Variants in AGTPBP1 observed in about 807,000 individuals in gnomAD.
AGTPBP1 encodes the protein cytosolic carboxypeptidase 1.
Under a neutral mutation model 143.9 loss-of-function variants are expected in AGTPBP1, and 70 were observed. The ratio of observed to expected loss-of-function variants is 0.49; its 90% CI spans 0.40 to 0.59. The LOEUF is 0.59. Among genes scored for constraint, AGTPBP1 ranks in the 20% least tolerant of loss-of-function variants. The probability of loss-of-function intolerance (pLI) is 0.00; values close to 1 mark genes in which losing one functional copy is unlikely to be tolerated. For missense variants in AGTPBP1, 1,229 were observed against 1,464.5 expected, an observed-to-expected ratio of 0.84 and a Z score of 2.62; for synonymous variants, 463 against 500.2, an observed-to-expected ratio of 0.93 and a Z score of 0.99.
intron 2 of AGTPBP1, among the ~76,000 whole-genome samples, chr9:85,693,702 T>G (rs1487862670): frequency 6.6e-6 from 1 of 152,034 alleles, no homozygotes; most frequent in African/African-American, 2.4e-5. Flanking sequence ...TGTACATTCT[T>G]ATGGTGAGAA....
chr9:85,698,978 C>T (rs1343688014), intron 2 of AGTPBP1, among the ~76,000 whole-genome samples: 6 of 151,926 alleles, frequency 3.9e-5, no homozygotes, highest in Admixed American at 1.3e-4. Flanking sequence ...CACACCTAAC[C>T]CTATTTTTAG....
In AGTPBP1 at chr9:85,741,903, G is replaced by C; in HGVS notation, c.-162C>G. On this transcript the variant is annotated 5_prime_UTR_variant, in exon 1 of 26. Transcript: ENST00000357081. ...TACAAACCCCGGTGGCAGGCGAGGC[G>C]GAGGCGGCGGCGGCGGCAGCTGCGG... 3 of 1,340,536 alleles carry C rather than the reference G, an allele frequency of 2.2e-6. No individual in the cohort carries two copies. The highest frequency in any genetic ancestry group is 2.9e-6 in the Non-Finnish European group (3 of 1,049,206). The allele number at this position is 1,340,536 out of a possible 1,614,324, so 83.0% of individuals were successfully genotyped here.
At chr9:85,642,006 T>C (rs1422322161) in intron 13 of AGTPBP1, among the ~76,000 whole-genome samples, 5 of 152,002 alleles carry the variant, frequency 3.3e-5, no homozygotes, top group South Asian at 2.1e-4. Flanking sequence ...GCAACAAATA[T>C]TTCTTTTTAA....
intron 17 of AGTPBP1, among the ~76,000 whole-genome samples, chr9:85,597,616 A>G (rs1016954419): frequency 6.6e-6 from 1 of 152,130 alleles, no homozygotes; most frequent in African/African-American, 2.4e-5. Context: ...GTATTAAGTA[A>G]TTAAATCCTT....
chr9:85,615,984 A>G (rs1356225657), intron 17 of AGTPBP1, among the ~76,000 whole-genome samples: 1 of 147,130 alleles, frequency 6.8e-6, no homozygotes, highest in East Asian at 2.2e-4. Flanking sequence ...TAATAACCAG[A>G]AAAAAATGCT....
chr9:85,791,787 T>A, the AGTPBP1 span, among the ~76,000 whole-genome samples: 5 of 151,990 alleles, frequency 3.3e-5, no homozygotes, highest in Non-Finnish European at 5.9e-5. Context: ...TACTGGTATA[T>A]TTTTATACTG....
chr9:85,625,459 T>C (rs1018047667), intron 14 of AGTPBP1, among the ~76,000 whole-genome samples: 2 of 152,266 alleles, frequency 1.3e-5, no homozygotes, highest in African/African-American at 2.4e-5. Context: ...TTTGTGGTTG[T>C]CACCGTTTCC....
chr9:85,712,508 T>C lies in AGTPBP1; in HGVS notation c.26A>G (p.Glu9Gly). ...ATATTCAGAATTACAGTACCTTTTT[T>C]CTGGTATCACTTTTAACTTGCTCAT... MSKLKVIP[E>G]KSLTNNSRIV... Residue 9 changes from glutamate (E) to glycine (G), a missense_variant, in exon 2 of 26, where the codon GAA becomes GGA. This residue lies in a region of AGTPBP1 where 743 missense variants were observed against 812.2 expected (regional missense o/e 0.91). Transcript: ENST00000357081. The C allele has an allele frequency of 6.7e-7, 1 of 1,498,088 alleles. No individual in the cohort carries two copies. Among genetic ancestry groups the C allele is most frequent in the Non-Finnish European group, 9.0e-7 (1 of 1,107,192 alleles). The allele number at this position is 1,498,088 out of a possible 1,614,324, so 92.8% of individuals were successfully genotyped here. A position where few individuals can be genotyped will look rare whatever the true frequency, so the allele number is the denominator to read the frequency against.
chr9:85,728,028 TATACACACACAC>T (rs1314955444), intron 1 of AGTPBP1, among the ~76,000 whole-genome samples: 4 of 120,900 alleles, frequency 3.3e-5, no homozygotes, highest in African/African-American at 7.8e-5. Context: ...TATATATTTA[TATACACACACAC>T]ACACACACAC....
At chr9:85,752,628 A>C in the AGTPBP1 span, among the ~76,000 whole-genome samples, 106 of 152,176 alleles carry the variant, frequency 7.0e-4, no homozygotes, top group Non-Finnish European at 1.4e-3. Flanking sequence ...TAGATATGCT[A>C]ATTACCCTGG....
At chr9:85,741,601 C>A (rs1824285901) in intron 1 of AGTPBP1, 174 bp downstream of exon 1, 1 of 985,338 alleles carries the variant, frequency 1.0e-6, no homozygotes, top group Non-Finnish European at 1.2e-6. Context: ...AGACCGAGTG[C>A]GTTCCCCTCA....
At chr9:85,596,078 C>T (rs1048240430) in intron 18 of AGTPBP1, among the ~76,000 whole-genome samples, 1 of 152,102 alleles carries the variant, frequency 6.6e-6, no homozygotes, top group South Asian at 2.1e-4. Flanking sequence ...AATAAAGTTT[C>T]CAGAGTTTTA....
chr9:85,741,669 G>A, intron 1 of AGTPBP1, 106 bp downstream of exon 1: 2 of 1,253,866 alleles, frequency 1.6e-6, no homozygotes, highest in Non-Finnish European at 2.0e-6. Flanking sequence ...GCAGGGATCC[G>A]GGGTCGCCCC....
chr9:85,738,112 A>G (rs1006425804), intron 1 of AGTPBP1, among the ~76,000 whole-genome samples: 1 of 152,246 alleles, frequency 6.6e-6, no homozygotes, highest in Non-Finnish European at 1.5e-5. Context: ...ACATGTAAAG[A>G]GTTTATAATT....
intron 25 of AGTPBP1, among the ~76,000 whole-genome samples, chr9:85,567,329 G>T (rs565116156): frequency 6.6e-6 from 1 of 152,204 alleles, no homozygotes; most frequent in Non-Finnish European, 1.5e-5. Flanking sequence ...GGTGGCTCAC[G>T]CCTGTAATCC....
At chr9:85,689,945 T>TATATATATATATATATATA (rs1486313965) in intron 3 of AGTPBP1, among the ~76,000 whole-genome samples, 24 of 126,666 alleles carry the variant, frequency 1.9e-4, no homozygotes, top group African/African-American at 6.5e-4. Context: ...TATATATATA[T>TATATATATATATATATATA]ATCTTAAAGT....
At chr9:85,573,712 C>G (rs571844767) in intron 25 of AGTPBP1, among the ~76,000 whole-genome samples, 1 of 151,744 alleles carries the variant, frequency 6.6e-6, no homozygotes, top group Non-Finnish European at 1.5e-5. Flanking sequence ...CGTCTCTGCC[C>G]GGCCGCCCAT....
At chr9:85,670,199 C>A (rs1834396916) in intron 7 of AGTPBP1, among the ~76,000 whole-genome samples, 1 of 151,992 alleles carries the variant, frequency 6.6e-6, no homozygotes, top group African/African-American at 2.4e-5. Context: ...ACAATGTGAG[C>A]AGTTACATAA....
At chr9:85,568,344 A>G (rs1163829489) in intron 25 of AGTPBP1, among the ~76,000 whole-genome samples, 2 of 152,192 alleles carry the variant, frequency 1.3e-5, no homozygotes, top group Admixed American at 1.3e-4. Flanking sequence ...TTATTCAAGT[A>G]TCAGTACAGA....
Sources: gnomAD v4.1 joint callset for allele counts (sites outside exome capture counted in the v4.1 genomes callset) on GRCh38, gnomAD v4.1.1 for gene constraint, gnomAD v4.1.1 regional missense constraint, MANE v1.5 for transcripts, NCBI Gene and HGNC (gene_info 2026-07-23, HGNC 2026-07-21) for gene names.